The following ADAMTS13 variants were observed in gnomAD, a reference collection of about 807,000 sequenced individuals.
ADAMTS13 encodes the protein A disintegrin and metalloproteinase with thrombospondin motifs 13.
A neutral mutation model predicts 155.1 loss-of-function variants in ADAMTS13; 110 were observed. The ratio of observed to expected loss-of-function variants is 0.71; its 90% confidence interval spans 0.61 to 0.83. The LOEUF (loss-of-function observed/expected upper bound fraction) is 0.83. ADAMTS13 is among the 40% of genes least tolerant of loss of function. The probability of loss-of-function intolerance (pLI) is 0.00; values close to 1 mark genes in which losing one functional copy is unlikely to be tolerated. For synonymous variants in ADAMTS13, 758 were observed against 756.4 expected, an observed-to-expected ratio of 1.00 and a Z score of -0.03; for missense variants, 1,707 against 1,891.7, an observed-to-expected ratio of 0.90 and a Z score of 1.81.
At position 133,443,457 on chromosome 9, in the gene ADAMTS13, C is replaced by A; in HGVS notation, c.2316C>A (p.Ala772=). The A allele has an allele frequency of 1.3e-6, 2 of 1,592,366 alleles. No individual in the cohort carries two copies. Among genetic ancestry groups the A allele is most frequent in the Non-Finnish European group, 8.5e-7 (1 of 1,174,988 alleles). ...AGCGGCCAGTGCGCTGCGTGGAGGC[C>A]CAGGGCAGCCTCCTGAAGACATTGC... is the stretch of plus-strand genomic sequence containing the variant. ...LRERPVRCVE[A]QGSLLKTLPP... is the part of the protein sequence containing the mutation. The change falls in exon 19 of 29, where the codon GCC becomes GCA. Residue 772 remains alanine (A), a synonymous_variant. Coordinates refer to ENST00000355699, the MANE Select transcript of ADAMTS13 (RefSeq NM_139027.6).
intron 23 of ADAMTS13, 115 bp from the exon 24 acceptor site, chr9:133,454,300 C>A: frequency 7.8e-7 from 1 of 1,281,570 alleles, no homozygotes; most frequent in Non-Finnish European, 1.1e-6. Flanking sequence ...TCTTGCCTGG[C>A]CACGGAAGCT....
chr9:133,445,211 T>A lies in ADAMTS13; in HGVS notation c.2610+159T>A, dbSNP rs943955321. On this transcript the variant is annotated intron_variant, in intron 20 of 28. Transcript: ENST00000355699. This position sits in a 1 kb window ranked among gnomAD's most constrained non-coding sequence, Gnocchi z 5.0. The stretch of plus-strand genomic sequence containing the variant: ...GGCCACCCCTGCTCAGAAAAGAAGC[T>A]TAGAAAGAGGGCTCAGGGCCCCTGG... Among the ~76,000 whole-genome samples the A allele has an allele frequency of 1.3e-5, 2 of 152,156 alleles. No individual in the cohort carries two copies. The highest frequency in any genetic ancestry group is 2.9e-5 in the Non-Finnish European group (2 of 68,004).
At chr9:133,420,519 A>C (rs150613882), upstream of ADAMTS13, among the ~76,000 whole-genome samples, 66 of 152,342 alleles carry the variant, frequency 4.3e-4, no homozygotes, top group Middle Eastern at 0.01. Context: ...TGGTCCACTT[A>C]TGCAAATGAG....
chr9:133,425,580 C>G lies in ADAMTS13; in HGVS notation c.382C>G (p.Leu128Val). Reference protein sequence around the residue: ...PSLGAQFRVHLVKMVILTEPE... With the variant: ...PSLGAQFRVHVVKMVILTEPE... ...CCTGGGGGCTCAGTTTCGGGTGCAC[C>G]TGGTGAAGATGGTCATTCTGACAGA... is the stretch of plus-strand genomic sequence containing the variant. Residue 128 changes from leucine to valine, a missense_variant, in exon 4 of 29, where the codon CTG becomes GTG. By Grantham distance (32) the Leu-to-Val change is conservative. Around this residue, in one of 3 missense-constraint regions of ADAMTS13, gnomAD observed 733 missense variants for 749.6 expected, o/e 0.98. Transcript: ENST00000355699. The surrounding 1 kb of genome is among the most constrained non-coding windows in gnomAD (Gnocchi z 4.6). The G allele has an allele frequency of 6.2e-7, 1 of 1,613,722 alleles. No homozygotes were observed. The highest frequency in any genetic ancestry group is 8.5e-7 in the Non-Finnish European group (1 of 1,180,004).
rs782421000 is a variant in ADAMTS13, at chr9:133,454,554, G to A, written c.3184G>A (p.Glu1062Lys). 8 of 1,608,396 alleles carry A rather than the reference G, an allele frequency of 5.0e-6. No homozygotes were observed. Among genetic ancestry groups the A allele is most frequent in the South Asian group, 4.4e-5 (4 of 91,058 alleles). ...EAACAALVRP[E>K]ASVPCLIADC... is the part of the protein sequence containing the mutation. ...GGCCTGTGCGGCGCTGGTGCGGCCC[G>A]AGGCCAGTGTCCCCTGTCTCATTGC... Residue 1062 changes from glutamate to lysine, a missense_variant, in exon 24 of 29, where the codon GAG becomes AAG. Glu to Lys is a moderately conservative substitution (Grantham distance 56). Coordinates refer to ENST00000355699, the MANE Select transcript of ADAMTS13 (RefSeq NM_139027.6).
rs1554793891 is a variant in ADAMTS13 at position 133,449,910 on chromosome 9, G to A, written c.2989G>A (p.Gly997Arg). The A allele has an allele frequency of 6.2e-7, 1 of 1,613,062 alleles. No homozygotes were observed. Among genetic ancestry groups the A allele is most frequent in the African/African-American group, 1.3e-5 (1 of 74,914 alleles). ...GATCCTGTTGGACACCCAGTGCCAG[G>A]GGCTGCCTCGCCCGGAACCCCAGGA... ...EEILLDTQCQGLPRPEPQEAC... is the reference protein window; with the variant it reads ...EEILLDTQCQRLPRPEPQEAC... The change falls in exon 23 of 29, where the codon GGG becomes AGG. Residue 997 changes from glycine (G) to arginine (R), a missense_variant. By Grantham distance (125) the Gly-to-Arg change is moderately radical. Coordinates refer to ENST00000355699, the MANE Select transcript of ADAMTS13 (RefSeq NM_139027.6).
rs781807478 is a variant in ADAMTS13, at chr9:133,437,860, A to G, written c.1547A>G (p.Asp516Gly). The G allele has an allele frequency of 1.2e-6, 2 of 1,613,726 alleles. No individual in the cohort carries two copies. Among genetic ancestry groups the G allele is most frequent in the South Asian group, 2.2e-5 (2 of 91,070 alleles). The change falls in exon 13 of 29, where the codon GAC (aspartate) becomes GGC (glycine). Residue 516 changes from aspartate (D) to glycine (G), a missense_variant. Around this residue, in one of 3 missense-constraint regions of ADAMTS13, gnomAD observed 733 missense variants for 749.6 expected, o/e 0.98. Transcript: ENST00000355699. Reference protein sequence around the residue: ...TRCMPSGPREDGTLSLCVSGS... With the variant: ...TRCMPSGPREGGTLSLCVSGS... ...TGTATGCCAAGTGGCCCCCGGGAGG[A>G]CGGGACCCTGAGCCTGTGTGTGTCG...
At chr9:133,431,040 A>C (rs919577514) in intron 8 of ADAMTS13, among the ~76,000 whole-genome samples, 2 of 151,318 alleles carry the variant, frequency 1.3e-5, no homozygotes, top group African/African-American at 4.9e-5. Flanking sequence ...ATCATAGCTC[A>C]CTGTTGCCTC....
chr9:133,425,747 A>G lies in ADAMTS13; in HGVS notation c.414+135A>G. On this transcript the variant is annotated intron_variant, in intron 4 of 28. Transcript: ENST00000355699. The surrounding 1 kb of genome is among the most constrained non-coding windows in gnomAD (Gnocchi z 4.6). Reference sequence around the variant, plus strand: ...CAGAATGCATTCAGCCAGACAGACCAGCTGCCCTCCCAGCTCTACCCAGCA... The same window carrying G: ...CAGAATGCATTCAGCCAGACAGACCGGCTGCCCTCCCAGCTCTACCCAGCA... 7.2e-7 allele frequency: 1 copy of G among 1,387,832 alleles called. No individual in the cohort carries two copies. Among genetic ancestry groups the G allele is most frequent in the Non-Finnish European group, 9.9e-7 (1 of 1,005,616 alleles). The allele number at this position is 1,387,832 out of a possible 1,614,324, so 86.0% of individuals were successfully genotyped here. A position where few individuals can be genotyped will look rare whatever the true frequency, so the allele number is the denominator to read the frequency against.
At chr9:133,434,865 G>A (rs782535001) in intron 11 of ADAMTS13, among the ~76,000 whole-genome samples, 2 of 152,090 alleles carry the variant, frequency 1.3e-5, no homozygotes, top group African/African-American at 2.4e-5. Context: ...GACATGCCAC[G>A]TACCTGAGGC....
Position 133,432,702 on chromosome 9 carries a change from A to C in ADAMTS13, c.1092+10A>C. On this transcript the variant is annotated intron_variant, in intron 9 of 28. Transcript: ENST00000355699. ...ATGTGGCGTGGAGAAGGTCAGAGCC[A>C]AGAGTGAATGAGTGGGCTCCTGTGA... The C allele has an allele frequency of 6.4e-7, 1 of 1,552,590 alleles. No homozygotes were observed. The highest frequency in any genetic ancestry group is 8.7e-7 in the Non-Finnish European group (1 of 1,148,452).
At chr9:133,428,578 A>ACCCCCGCCCCCG (rs1266448156) in intron 6 of ADAMTS13, 56 bp from the exon 7 acceptor site, 1 of 26,272 alleles carries the variant, frequency 3.8e-5, no homozygotes, top group Non-Finnish European at 6.4e-5. Context: ...TCCCGCCCCC[A>ACCCCCGCCCCCG]CCCCCGCCCC....
At chr9:133,437,259 A>T (rs910739748) in intron 12 of ADAMTS13, among the ~76,000 whole-genome samples, 1 of 152,108 alleles carries the variant, frequency 6.6e-6, no homozygotes, top group East Asian at 1.9e-4. Context: ...TCCTTGGTTC[A>T]TGATACTTTT....
intron 23 of ADAMTS13, among the ~76,000 whole-genome samples, chr9:133,450,840 G>A (rs782081332): frequency 1.3e-5 from 2 of 152,250 alleles, no homozygotes; most frequent in South Asian, 4.1e-4. Flanking sequence ...CTGGCAGGCT[G>A]TGCTAGTTGT....
At position 133,449,981 on chromosome 9, in the gene ADAMTS13, A is replaced by G; in HGVS notation, c.3044+16A>G. The G allele has an allele frequency of 1.9e-6, 3 of 1,584,346 alleles. No homozygotes were observed. In the Admixed American group the frequency reaches 5.5e-5, roughly 29 times the overall value. On this transcript the variant is annotated intron_variant, in intron 23 of 28. Transcript: ENST00000355699. ...GCCCACCTAGGTGAGTCAGCCGGTG[A>G]TGGGAGGGGCAGCTCCTGGTGTGTG...
At chr9:133,416,913 T>C (rs2130746747) in intron 1 of ADAMTS13, among the ~76,000 whole-genome samples, 1 of 152,350 alleles carries the variant, frequency 6.6e-6, no homozygotes, top group East Asian at 1.9e-4. Flanking sequence ...TTCAAGACCG[T>C]AAGTGTCGCT....
Position 133,445,939 on chromosome 9 carries a change from GAACACGTGGT to G in ADAMTS13, c.2731+123_2731+132del. 1.4e-6 allele frequency: 2 copies of G among 1,379,612 alleles called. No homozygotes were observed. The highest frequency in any genetic ancestry group is 1.9e-6 in the Non-Finnish European group (2 of 1,037,484). The allele number at this position is 1,379,612 out of a possible 1,614,324, so 85.5% of individuals were successfully genotyped here. A position where few individuals can be genotyped will look rare whatever the true frequency, so the allele number is the denominator to read the frequency against. ...ATTGCAGAAAATCCAGACTATATGGGAACACGTGGTAATACACAAGGAGACTAAGCATAGT... is the reference window on the plus strand; with the variant it reads ...ATTGCAGAAAATCCAGACTATATGGGAATACACAAGGAGACTAAGCATAGT... On this transcript the variant is annotated intron_variant, in intron 21 of 28. Transcript: ENST00000355699. The surrounding 1 kb of genome is among the most constrained non-coding windows in gnomAD (Gnocchi z 5.0).
rs1422309061 is a variant in ADAMTS13 at position 133,441,503 on chromosome 9, G to A, written c.1969-896G>A. Among the ~76,000 whole-genome samples, 45 of 152,160 alleles carry A rather than the reference G, an allele frequency of 3.0e-4. 1 individual carries two copies. Among genetic ancestry groups the A allele is most frequent in the Admixed American group, 2.9e-3 (45 of 15,278 alleles). ...TTCCCTGTGTTGGGCCTGAGAAACCGCACCGTAACCAACACAGGCTTGCGG... is the reference window on the plus strand; with the variant it reads ...TTCCCTGTGTTGGGCCTGAGAAACCACACCGTAACCAACACAGGCTTGCGG... On this transcript the variant is annotated intron_variant, in intron 16 of 28. Coordinates refer to ENST00000355699, the MANE Select transcript of ADAMTS13 (RefSeq NM_139027.6). The surrounding 1 kb of genome is among the most constrained non-coding windows in gnomAD (Gnocchi z 5.0).
intron 21 of ADAMTS13, among the ~76,000 whole-genome samples, chr9:133,447,937 C>T (rs1842177791): frequency 6.6e-6 from 1 of 151,672 alleles, no homozygotes; most frequent in South Asian, 2.1e-4. Flanking sequence ...AAAACTGGCC[C>T]TAATAACATC....
Sources: allele counts gnomAD v4.1 joint callset (sites outside exome capture counted in the v4.1 genomes callset), GRCh38; gene constraint gnomAD v4.1.1; regional missense constraint gnomAD v4.1.1; non-coding constraint Gnocchi (gnomAD v3.1); transcripts MANE v1.5; gene names NCBI Gene and HGNC (gene_info 2026-07-23, HGNC 2026-07-21).